Variants in OVOL2 observed in about 807,000 individuals in gnomAD.
OVOL2 encodes transcription factor Ovo-like 2.
Under a neutral mutation model 18.1 loss-of-function variants are expected in OVOL2, and 13 were observed. That is an observed-to-expected ratio of 0.72 (90% CI 0.47 to 1.14). The LOEUF is 1.14. OVOL2 is among the 50% of genes most tolerant of loss of function. The pLI, the probability that OVOL2 is intolerant of heterozygous loss-of-function variation, is 0.00. For synonymous variants in OVOL2, 166 were observed against 162.7 expected (o/e 1.02, Z -0.16); for missense variants, 335 against 383.0 (o/e 0.87, Z 1.05).
intron 2 of OVOL2, among the ~76,000 whole-genome samples, chr20:18,045,165 C>T (rs942524975): frequency 3.3e-5 from 5 of 152,168 alleles, no homozygotes; most frequent in African/African-American, 4.8e-5. Flanking sequence ...TCTCCTTGCC[C>T]GGCAGTCCCC....
intron 3 of OVOL2, among the ~76,000 whole-genome samples, chr20:18,035,439 C>T (rs997090454): frequency 3.9e-5 from 6 of 152,218 alleles, no homozygotes; most frequent in African/African-American, 1.2e-4. Flanking sequence ...GCCTGGGCAA[C>T]AGAGCAAGAC....
intron 3 of OVOL2, among the ~76,000 whole-genome samples, chr20:18,025,909 C>A (rs991940440): frequency 6.6e-6 from 1 of 152,262 alleles, no homozygotes; most frequent in African/African-American, 2.4e-5. Context: ...AGACTGGGCT[C>A]CAGCAGGGAA....
intron 2 of OVOL2, among the ~76,000 whole-genome samples, chr20:18,050,021 C>G (rs1260413617): frequency 6.6e-6 from 1 of 152,178 alleles, no homozygotes; most frequent in Non-Finnish European, 1.5e-5. Context: ...CTTTGAGGAA[C>G]TCAACAAAAA....
At chr20:18,026,831 G>A (rs1187470786) in intron 3 of OVOL2, among the ~76,000 whole-genome samples, 1 of 152,094 alleles carries the variant, frequency 6.6e-6, no homozygotes, top group East Asian at 1.9e-4. Context: ...AGCACACCCA[G>A]CTCAGCACCC....
intron 2 of OVOL2, among the ~76,000 whole-genome samples, chr20:18,051,196 T>G (rs1038185217): frequency 4.6e-5 from 7 of 151,840 alleles, no homozygotes; most frequent in African/African-American, 1.7e-4. Flanking sequence ...GGCAACATAG[T>G]GAGGCCCTGT....
At chr20:18,037,316 G>C (rs2036624993) in intron 3 of OVOL2, among the ~76,000 whole-genome samples, 1 of 152,196 alleles carries the variant, frequency 6.6e-6, no homozygotes, top group Non-Finnish European at 1.5e-5. Context: ...ACCACTGATG[G>C]GTTGTGTGAG....
rs571795058 is a variant in OVOL2 at position 18,043,572 on chromosome 20, G to A, written c.322-1849C>T. 2.4e-3 allele frequency among the ~76,000 whole-genome samples: 369 copies of A among 152,208 alleles called. 1 individual carries two copies. Among genetic ancestry groups the A allele is most frequent in the Non-Finnish European group, 4.4e-3 (299 of 68,016 alleles). ...AGGGCTGCCACCAGCTGAATGAGTC[G>A]CCCCCACTAACACTACCCAGAGTAG... is the stretch of plus-strand genomic sequence containing the variant. On this transcript the variant is annotated intron_variant, in intron 2 of 3. Transcript: ENST00000278780.
At chr20:18,025,513 G>A (rs959525085) in intron 3 of OVOL2, among the ~76,000 whole-genome samples, 3 of 152,122 alleles carry the variant, frequency 2.0e-5, no homozygotes, top group Admixed American at 1.3e-4. Flanking sequence ...AGGTTGTAGC[G>A]AGCTGAGATC....
At chr20:18,029,482 G>A (rs1440622295) in intron 3 of OVOL2, among the ~76,000 whole-genome samples, 4 of 152,174 alleles carry the variant, frequency 2.6e-5, no homozygotes, top group African/African-American at 4.8e-5. Context: ...GCATATGCAC[G>A]GATGTACATG....
In OVOL2 at chr20:18,057,527, G is replaced by A. The variant is rs370398245; in HGVS notation, c.100+8C>T. On this transcript the variant is annotated splice_region_variant and intron_variant, in intron 1 of 3. Transcript: ENST00000278780. The surrounding 1 kb of genome is among the most constrained non-coding windows in gnomAD (Gnocchi z 6.3). ...CAGCGCCCAGGCCCGGCCCCCGCGC[G>A]CGCTCACCTGGGATGTAGGTGTCTG... 1.1e-4 allele frequency: 168 copies of A among 1,563,250 alleles called. No homozygotes were observed. In the African/African-American group the frequency reaches 2.0e-3, roughly 18 times the overall value.
At chr20:18,033,043 T>C (rs1422201913) in intron 3 of OVOL2, among the ~76,000 whole-genome samples, 1 of 152,198 alleles carries the variant, frequency 6.6e-6, no homozygotes, top group African/African-American at 2.4e-5. Context: ...CATGACAGCA[T>C]TCAGGCCACT....
At chr20:18,054,876 T>TAAG (rs1284834647) in intron 2 of OVOL2, among the ~76,000 whole-genome samples, 2 of 152,300 alleles carry the variant, frequency 1.3e-5, no homozygotes, top group African/African-American at 4.8e-5. Context: ...TACAACGTGC[T>TAAG]AAGTCACAGG....
intron 2 of OVOL2, among the ~76,000 whole-genome samples, chr20:18,049,642 G>A (rs1340194550): frequency 6.6e-6 from 1 of 152,014 alleles, no homozygotes; most frequent in Non-Finnish European, 1.5e-5. Flanking sequence ...AGAAGATGAA[G>A]GGAATATATA....
At chr20:18,042,582 G>C (rs1250960131) in intron 2 of OVOL2, among the ~76,000 whole-genome samples, 1 of 151,862 alleles carries the variant, frequency 6.6e-6, no homozygotes, top group East Asian at 2.0e-4. Flanking sequence ...TTTGAGATCA[G>C]CCTGACCAAC....
At chr20:18,039,482 A>T (rs1407124680) in intron 3 of OVOL2, among the ~76,000 whole-genome samples, 2 of 151,892 alleles carry the variant, frequency 1.3e-5, no homozygotes, top group South Asian at 2.1e-4. Context: ...TACAAAAAAA[A>T]TTAGCTGGGA....
At chr20:18,058,414 C>CT (rs1555797000), upstream of OVOL2, among the ~76,000 whole-genome samples, 5 of 149,576 alleles carry the variant, frequency 3.3e-5, no homozygotes, top group African/African-American at 1.2e-4. Flanking sequence ...ACCCCCCCCC[C>CT]ATAAGCAGTA....
At chr20:18,052,705 T>A (rs1266193927) in intron 2 of OVOL2, among the ~76,000 whole-genome samples, 2 of 152,166 alleles carry the variant, frequency 1.3e-5, no homozygotes, top group Non-Finnish European at 2.9e-5. Context: ...AATCTAAACT[T>A]AATTTATTTT....
At chr20:18,054,797 G>T (rs1202324580) in intron 2 of OVOL2, among the ~76,000 whole-genome samples, 1 of 143,718 alleles carries the variant, frequency 7.0e-6, no homozygotes, top group Non-Finnish European at 1.5e-5. Flanking sequence ...GAAAAGAAAA[G>T]AAAAGAAAAG....
At chr20:18,033,679 C>T (rs988436529) in intron 3 of OVOL2, among the ~76,000 whole-genome samples, 11 of 152,288 alleles carry the variant, frequency 7.2e-5, no homozygotes, top group East Asian at 3.9e-4. Context: ...CCTGCATGCT[C>T]GCTCCTGGGG....
Sources: allele counts gnomAD v4.1 joint callset (sites outside exome capture counted in the v4.1 genomes callset), GRCh38; gene constraint gnomAD v4.1.1; non-coding constraint Gnocchi (gnomAD v3.1); transcripts MANE v1.5; gene names NCBI Gene and HGNC (gene_info 2026-07-23, HGNC 2026-07-21).